Variants in SNX29 observed in about 807,000 individuals in gnomAD.
The protein encoded by SNX29 is sorting nexin 29.
A neutral mutation model predicts 102.1 loss-of-function variants in SNX29; 78 were observed. The observed-to-expected ratio is 0.76, with a 90% CI of 0.64 to 0.92. The LOEUF is 0.92. SNX29 is among the 40% of genes least tolerant of loss of function. The pLI, the probability that SNX29 is intolerant of heterozygous loss-of-function variation, is 0.00. For missense variants in SNX29, 1,280 were observed against 1,061.7 expected (o/e 1.21, Z -2.86); for synonymous variants, 580 against 414.5 (o/e 1.40, Z -4.85).
chr16:12,119,290 T>G (rs545900121), intron 11 of SNX29, among the ~76,000 whole-genome samples: 1 of 152,340 alleles, frequency 6.6e-6, no homozygotes, highest in Admixed American at 6.5e-5. Context: ...GCTTTTGGGA[T>G]GCCTGCCTTA....
intron 11 of SNX29, among the ~76,000 whole-genome samples, chr16:12,101,129 C>T (rs921941327): frequency 7.9e-5 from 12 of 152,180 alleles, no homozygotes; most frequent in African/African-American, 2.6e-4. Flanking sequence ...TGAATTGGCA[C>T]GTTTTAGACA....
At chr16:12,175,220 G>A (rs182340178) in intron 13 of SNX29, among the ~76,000 whole-genome samples, 8 of 152,294 alleles carry the variant, frequency 5.3e-5, no homozygotes, top group Admixed American at 4.6e-4. Flanking sequence ...CCAGAAGTGG[G>A]TCACTCTTGG....
chr16:12,491,978 C>G (rs926802496), intron 19 of SNX29, among the ~76,000 whole-genome samples: 1 of 152,080 alleles, frequency 6.6e-6, no homozygotes, highest in Admixed American at 6.6e-5. Context: ...TGAATAGTGC[C>G]GCAATAAACA....
At chr16:12,167,655 C>T (rs1191443234) in intron 13 of SNX29, among the ~76,000 whole-genome samples, 1 of 152,102 alleles carries the variant, frequency 6.6e-6, no homozygotes, top group Non-Finnish European at 1.5e-5. Flanking sequence ...TTTTAATCCT[C>T]CCAATGAGGT....
intron 11 of SNX29, chr16:12,095,139 C>G (rs187079264): frequency 1.3e-5 from 2 of 152,290 alleles, no homozygotes; most frequent in Admixed American, 1.3e-4. Context: ...GCTGCGGAAA[C>G]CAGCTCACTG....
intron 7 of SNX29, among the ~76,000 whole-genome samples, chr16:12,051,543 T>A (rs190752159): frequency 1.3e-5 from 2 of 152,264 alleles, no homozygotes; most frequent in East Asian, 3.9e-4. Context: ...TTTTCCAAAG[T>A]GAAGCATTGA....
intron 19 of SNX29, among the ~76,000 whole-genome samples, chr16:12,481,589 C>T (rs1037578059): frequency 2.6e-5 from 4 of 151,706 alleles, no homozygotes; most frequent in Non-Finnish European, 5.9e-5. Context: ...GGGTGGAGTG[C>T]AGTGGCACAA....
chr16:12,568,719 A>AACC lies in SNX29; in HGVS notation c.*93_*95dup. ...CGCTGGCCCCTCACCTCAGCGTGAC[A>AACC]ACCACGTCCACCTGGTGATCCTGAG... On this transcript the variant is annotated 3_prime_UTR_variant, in exon 21 of 21. Transcript: ENST00000566228. 1 of 1,523,026 alleles carries AACC rather than the reference A, an allele frequency of 6.6e-7. No individual in the cohort carries two copies. Among genetic ancestry groups the AACC allele is most frequent in the Non-Finnish European group, 8.8e-7 (1 of 1,137,462 alleles). 94.3% of individuals were successfully genotyped at this position (1,523,026 alleles called of 1,614,324 possible). A position where few individuals can be genotyped will look rare whatever the true frequency, so the allele number is the denominator to read the frequency against.
At chr16:12,450,129 T>C (rs1002020156) in intron 18 of SNX29, among the ~76,000 whole-genome samples, 1 of 152,248 alleles carries the variant, frequency 6.6e-6, no homozygotes, top group African/African-American at 2.4e-5. Context: ...CTTTGTCTTC[T>C]GCCATGATTC....
intron 20 of SNX29, chr16:12,556,636 G>A (rs2078368992): frequency 6.6e-6 from 1 of 152,276 alleles, no homozygotes; most frequent in Non-Finnish European, 1.5e-5. Flanking sequence ...GACGGTGTCT[G>A]GGTTTAGGAG....
chr16:12,200,154 C>G (rs1448544035), intron 14 of SNX29, among the ~76,000 whole-genome samples: 1 of 152,130 alleles, frequency 6.6e-6, no homozygotes, highest in African/African-American at 2.4e-5. Flanking sequence ...GTTGACAGCA[C>G]CTACCTCATG....
Position 12,572,600 on chromosome 16 carries a change from C to T in SNX29, c.*3971C>T. On this transcript the variant is annotated 3_prime_UTR_variant, in exon 21 of 21. Transcript: ENST00000566228. ...ATGTTCTCTGGGCTCCCAGTGAGCC[C>T]CCTCCCCTCCGGCTACCCCCAGAAT... 1 of 1,064,418 alleles carries T rather than the reference C, an allele frequency of 9.4e-7. No individual in the cohort carries two copies. The highest frequency in any genetic ancestry group is 1.1e-6 in the Non-Finnish European group (1 of 878,676). 65.9% of individuals were successfully genotyped at this position (1,064,418 alleles called of 1,614,324 possible). A position where few individuals can be genotyped will look rare whatever the true frequency, so the allele number is the denominator to read the frequency against.
intron 20 of SNX29, among the ~76,000 whole-genome samples, chr16:12,555,841 C>G (rs1035164908): frequency 6.6e-6 from 1 of 152,214 alleles, no homozygotes; most frequent in Non-Finnish European, 1.5e-5. Flanking sequence ...CTGACCAACC[C>G]CCCTCACCAC....
At chr16:12,066,525 A>G (rs2051045670) in intron 9 of SNX29, among the ~76,000 whole-genome samples, 1 of 152,152 alleles carries the variant, frequency 6.6e-6, no homozygotes, top group Admixed American at 6.6e-5. Context: ...CTGAGATTCA[A>G]GACAGGTCTG....
At chr16:12,088,148 C>G (rs2052308064) in intron 11 of SNX29, 1 of 456,300 alleles carries the variant, frequency 2.2e-6, no homozygotes. Context: ...GTCTCTGCAG[C>G]AGGCCTCACA....
At chr16:12,307,808 C>T (rs984084892) in intron 15 of SNX29, among the ~76,000 whole-genome samples, 11 of 152,234 alleles carry the variant, frequency 7.2e-5, no homozygotes, top group Admixed American at 2.6e-4. Flanking sequence ...ACACCTCCAT[C>T]GGTCAGCAAA....
intron 11 of SNX29, 37 bp from the exon 12 acceptor site, chr16:12,126,596 C>G: frequency 1.2e-6 from 2 of 1,609,290 alleles, no homozygotes; most frequent in Non-Finnish European, 1.7e-6. Flanking sequence ...ACAGGCAAGA[C>G]CTGCCAATTA....
intron 9 of SNX29, among the ~76,000 whole-genome samples, chr16:12,065,618 C>G (rs2050999072): frequency 6.6e-6 from 1 of 152,198 alleles, no homozygotes; most frequent in Non-Finnish European, 1.5e-5. Context: ...CTGCCATAAT[C>G]TGATGTGATT....
At chr16:12,162,027 C>T (rs796377956) in intron 13 of SNX29, among the ~76,000 whole-genome samples, 14 of 152,302 alleles carry the variant, frequency 9.2e-5, no homozygotes, top group African/African-American at 3.4e-4. Context: ...GGTTTCTTTT[C>T]ACCTTGCTCC....
Sources: gnomAD v4.1 joint callset for allele counts (sites outside exome capture counted in the v4.1 genomes callset) on GRCh38, gnomAD v4.1.1 for gene constraint, MANE v1.5 for transcripts, NCBI Gene and HGNC (gene_info 2026-07-23, HGNC 2026-07-21) for gene names.